Variants in ZNF385A observed in about 807,000 individuals in gnomAD.
ZNF385A encodes zinc finger protein 385A.
ZNF385A carries 14 observed loss-of-function variants against 32.1 expected under a neutral mutation model. The ratio of observed to expected loss-of-function variants is 0.44; its 90% CI spans 0.29 to 0.68. ZNF385A has a LOEUF of 0.68. Among genes scored for constraint, ZNF385A ranks in the 30% least tolerant of loss-of-function variants. ZNF385A has a pLI of 0.14. For synonymous variants in ZNF385A, 197 were observed against 202.7 expected (o/e 0.97, Z 0.24); for missense variants, 406 against 478.4 (o/e 0.85, Z 1.41).
intron 1 of ZNF385A, among the ~76,000 whole-genome samples, chr12:54,382,155 C>G (rs1955222718): frequency 6.6e-6 from 1 of 151,530 alleles, no homozygotes; most frequent in Non-Finnish European, 1.5e-5. Flanking sequence ...GCAACCTCTG[C>G]CTCCCAGGTT....
At chr12:54,389,490 G>A (rs897725767), upstream of ZNF385A, among the ~76,000 whole-genome samples, 2 of 152,202 alleles carry the variant, frequency 1.3e-5, no homozygotes, top group Non-Finnish European at 2.9e-5. Context: ...TCCTCCAGGG[G>A]GATGTGAGGG....
chr12:54,371,440 G>A (rs1954545301), intron 4 of ZNF385A, 33 bp downstream of exon 4: 3 of 1,592,582 alleles, frequency 1.9e-6, no homozygotes, highest in East Asian at 2.2e-5. Context: ...CCTGAGGACA[G>A]GAGAGTCTGG....
rs1362286740 is a variant in ZNF385A at position 54,370,379 on chromosome 12, C to T, written c.978G>A (p.Leu326=). The T allele has an allele frequency of 1.3e-6, 2 of 1,520,906 alleles. No individual in the cohort carries two copies. The highest frequency in any genetic ancestry group is 2.8e-5 in the African/African-American group (2 of 72,130). 94.2% of individuals were successfully genotyped at this position (1,520,906 alleles called of 1,614,324 possible). The part of the protein sequence containing the change: ...AVMAAAAGSP[L]SLRPAPAAPL... ...GTGCGGCTGGAGCCGGGCGCAGGGA[C>T]AGCGGCGAGCCTGCTGCCGCTGCCA... Residue 326 remains leucine, a synonymous_variant, in exon 7 of 7, where the codon CTG becomes CTA. Transcript: ENST00000394313. This position sits in a 1 kb window ranked among gnomAD's most constrained non-coding sequence, Gnocchi z 5.5.
chr12:54,370,348 G>A lies in ZNF385A; in HGVS notation c.1009C>T (p.Leu337Phe), dbSNP rs1166770104. 6.6e-7 allele frequency: 1 copy of A among 1,504,092 alleles called. No homozygotes were observed. The highest frequency in any genetic ancestry group is 2.4e-5 in the East Asian group (1 of 41,094). The allele number at this position is 1,504,092 out of a possible 1,614,324, so 93.2% of individuals were successfully genotyped here. A position where few individuals can be genotyped will look rare whatever the true frequency, so the allele number is the denominator to read the frequency against. The change falls in exon 7 of 7, where the codon CTC (leucine) becomes TTC (phenylalanine). Residue 337 changes from leucine to phenylalanine, a missense_variant. Physicochemically the swap from Leu to Phe is conservative, Grantham distance 22. Coordinates refer to ENST00000394313, the MANE Select transcript of ZNF385A (RefSeq NM_015481.3). The surrounding 1 kb of genome is among the most constrained non-coding windows in gnomAD (Gnocchi z 5.5). ...SLRPAPAAPL[L>F]QGPPITHPLL... Reference sequence around the variant, plus strand: ...GGGTGAGTGATCGGCGGTCCCTGGAGAAGAGGTGCGGCTGGAGCCGGGCGC... The same window carrying A: ...GGGTGAGTGATCGGCGGTCCCTGGAAAAGAGGTGCGGCTGGAGCCGGGCGC...
intron 1 of ZNF385A, among the ~76,000 whole-genome samples, chr12:54,383,864 A>G (rs937820290): frequency 2.0e-5 from 3 of 152,262 alleles, no homozygotes; most frequent in African/African-American, 7.2e-5. Flanking sequence ...ACTGCACACC[A>G]GACTGGGCAA....
At chr12:54,373,799 T>G (rs1954687200) in intron 3 of ZNF385A, among the ~76,000 whole-genome samples, 174 bp downstream of exon 3, 1 of 150,696 alleles carries the variant, frequency 6.6e-6, no homozygotes, top group African/African-American at 2.4e-5. Flanking sequence ...GGGGTAAGGG[T>G]GACAGGATGG....
chr12:54,379,222 G>A, intron 1 of ZNF385A: 1 of 982,436 alleles, frequency 1.0e-6, no homozygotes, highest in Non-Finnish European at 1.2e-6. Context: ...AGGGGAGGCG[G>A]CGCTGGCCCG....
intron 4 of ZNF385A, 104 bp from the exon 5 acceptor site, chr12:54,371,200 G>C: frequency 7.7e-7 from 1 of 1,302,224 alleles, no homozygotes; most frequent in Non-Finnish European, 1.0e-6. Context: ...GGGGAAGAGG[G>C]TGGGCACAGT....
chr12:54,388,078 T>G (rs560560609), upstream of ZNF385A, among the ~76,000 whole-genome samples: 25 of 149,608 alleles, frequency 1.7e-4, no homozygotes, highest in African/African-American at 6.2e-4. Flanking sequence ...TGTGTGTGTG[T>G]GTGTGGCACC....
intron 1 of ZNF385A, among the ~76,000 whole-genome samples, chr12:54,383,361 C>T (rs905063092): frequency 2.0e-5 from 3 of 152,002 alleles, no homozygotes; most frequent in African/African-American, 7.3e-5. Flanking sequence ...CCCCCAAACA[C>T]CAGTTGGTCA....
upstream of ZNF385A, chr12:54,384,780 G>A (rs1225358339): frequency 3.0e-5 from 37 of 1,241,288 alleles, no homozygotes; most frequent in Non-Finnish European, 3.5e-5. Context: ...TCCCTTCTGG[G>A]TGGTTTTCAC....
At position 54,371,642 on chromosome 12, in the gene ZNF385A, G is replaced by T; in HGVS notation, c.435C>A (p.Ser145Arg). 6.2e-7 allele frequency: 1 copy of T among 1,611,236 alleles called. No individual in the cohort carries two copies. Among genetic ancestry groups the T allele is most frequent in the South Asian group, 1.1e-5 (1 of 90,990 alleles). ...TTACACCCTGACCAGTCTCCGGAAT[G>T]CTGGGAGGGGATGGGGAGCCAGGCT... ...EKQPGSPSPPSIPETGQGVTK... is the reference protein window; with the variant it reads ...EKQPGSPSPPRIPETGQGVTK... Residue 145 changes from serine (S) to arginine (R), a missense_variant, in exon 4 of 7, where the codon AGC becomes AGA. Physicochemically the swap from Ser to Arg is moderately radical, Grantham distance 110. Coordinates refer to ENST00000394313, the MANE Select transcript of ZNF385A (RefSeq NM_015481.3).
intron 1 of ZNF385A, among the ~76,000 whole-genome samples, chr12:54,377,357 T>C (rs1954900951): frequency 6.6e-6 from 1 of 152,130 alleles, no homozygotes; most frequent in South Asian, 2.1e-4. Context: ...AAGAAGCCTC[T>C]CTAAGGGCTC....
upstream of ZNF385A, chr12:54,384,735 C>T (rs1013595862): frequency 7.7e-6 from 10 of 1,306,280 alleles, no homozygotes; most frequent in African/African-American, 1.2e-4. Context: ...GAGCACAGTG[C>T]CCTGTGGGCC....
intron 1 of ZNF385A, among the ~76,000 whole-genome samples, chr12:54,376,560 A>G (rs1413205179): frequency 6.6e-6 from 1 of 152,192 alleles, no homozygotes; most frequent in Non-Finnish European, 1.5e-5. Flanking sequence ...AGAGAGTAGG[A>G]GCTCTAGTGA....
At position 54,370,196 on chromosome 12, in the gene ZNF385A, C is replaced by A; in HGVS notation, c.*60G>T. On this transcript the variant is annotated 3_prime_UTR_variant, in exon 7 of 7. Transcript: ENST00000394313. The surrounding 1 kb of genome is among the most constrained non-coding windows in gnomAD (Gnocchi z 5.5). ...CCGGGAGGAGGGGCGGGCTGGGAGC[C>A]CGGACGCCTGGGTCCCGGCTGGAGG... 7.5e-7 allele frequency: 1 copy of A among 1,331,242 alleles called. No individual in the cohort carries two copies. Among genetic ancestry groups the A allele is most frequent in the East Asian group, 2.8e-5 (1 of 35,170 alleles). 82.5% of individuals were successfully genotyped at this position (1,331,242 alleles called of 1,614,324 possible). A position where few individuals can be genotyped will look rare whatever the true frequency, so the allele number is the denominator to read the frequency against.
intron 2 of ZNF385A, among the ~76,000 whole-genome samples, chr12:54,375,149 TCTG>T (rs1404860846): frequency 6.6e-6 from 1 of 152,000 alleles, no homozygotes; most frequent in Non-Finnish European, 1.5e-5. Context: ...AGAACGAGGC[TCTG>T]CTGTTTTTCT....
chr12:54,382,042 A>C (rs1057346706), intron 1 of ZNF385A, among the ~76,000 whole-genome samples: 3 of 151,884 alleles, frequency 2.0e-5, no homozygotes, highest in African/African-American at 4.8e-5. Context: ...GTAGGTGCTC[A>C]AAAAAAATTT....
rs774062871 is a variant in ZNF385A, at chr12:54,375,908, G to A, written c.134C>T (p.Pro45Leu). ...GACGGGCCGCTTGGTCTTGAGCAAG[G>A]GTCCCCCAAAAGTGTGGGAGAGCAC... ...KAVLSHTFGG[P>L]LLKTKRPVIS... The change falls in exon 2 of 7, where the codon CCC becomes CTC. Residue 45 changes from proline to leucine, a missense_variant. Physicochemically the swap from Pro to Leu is moderately conservative, Grantham distance 98. Coordinates refer to ENST00000394313, the MANE Select transcript of ZNF385A (RefSeq NM_015481.3). The A allele has an allele frequency of 2.4e-5, 39 of 1,614,004 alleles. No homozygotes were observed. Among genetic ancestry groups the A allele is most frequent in the Non-Finnish European group, 3.1e-5 (36 of 1,180,040 alleles).
Sources: gnomAD v4.1 joint callset for allele counts (sites outside exome capture counted in the v4.1 genomes callset) on GRCh38, gnomAD v4.1.1 for gene constraint, Gnocchi (gnomAD v3.1) non-coding constraint, MANE v1.5 for transcripts, NCBI Gene and HGNC (gene_info 2026-07-23, HGNC 2026-07-21) for gene names.